TIAM2: variants seen among roughly 807,000 people sequenced by gnomAD.
The protein encoded by TIAM2 is TIAM Rac1 associated GEF 2.
A neutral mutation model predicts 152.9 loss-of-function variants in TIAM2; 80 were observed. The ratio of observed to expected loss-of-function variants is 0.52; its 90% confidence interval spans 0.44 to 0.63. The LOEUF is 0.63. Among genes scored for constraint, TIAM2 ranks in the 30% least tolerant of loss-of-function variants. TIAM2 has a pLI of 0.00. For synonymous variants in TIAM2, 804 were observed against 838.0 expected (o/e 0.96, Z 0.70); for missense variants, 1,965 against 2,120.1 (o/e 0.93, Z 1.44).
At chr6:155,067,932 A>G (rs1184015536) in intron 1 of TIAM2, among the ~76,000 whole-genome samples, 1 of 152,126 alleles carries the variant, frequency 6.6e-6, no homozygotes, top group African/African-American at 2.4e-5. Context: ...GTGCATGACC[A>G]AGCCCGACTT....
chr6:155,102,653 T>A (rs1158655009), intron 2 of TIAM2, among the ~76,000 whole-genome samples: 1 of 152,220 alleles, frequency 6.6e-6, no homozygotes, highest in Non-Finnish European at 1.5e-5. Flanking sequence ...CATGCATGTG[T>A]GCACATGCAG....
At chr6:155,197,333 C>T (rs1473372034) in intron 14 of TIAM2, among the ~76,000 whole-genome samples, 6 of 152,164 alleles carry the variant, frequency 3.9e-5, no homozygotes, top group Admixed American at 1.3e-4. Context: ...TAGGCATCTT[C>T]GCATAGCAGT....
rs746006844 is a variant in TIAM2 at position 155,251,934 on chromosome 6, C to A, written c.4061-11C>A. On this transcript the variant is annotated splice_polypyrimidine_tract_variant and intron_variant, in intron 22 of 26. Coordinates refer to ENST00000682666, the MANE Select transcript of TIAM2 (RefSeq NM_012454.4). ...AAAATAAAGACTTTCTTTCTCTTTT[C>A]CTTTCTTTAGTTTTTAAGAGAGCCG... The A allele has an allele frequency of 6.3e-7, 1 of 1,595,510 alleles. No homozygotes were observed. The highest frequency in any genetic ancestry group is 8.6e-7 in the Non-Finnish European group (1 of 1,169,172).
intron 2 of TIAM2, among the ~76,000 whole-genome samples, chr6:155,105,720 G>T (rs1405178352): frequency 6.6e-6 from 1 of 151,980 alleles, no homozygotes; most frequent in Non-Finnish European, 1.5e-5. Flanking sequence ...CAAAGTGTTG[G>T]AATCACAGGC....
At chr6:155,236,388 C>A (rs903273635) in intron 15 of TIAM2, among the ~76,000 whole-genome samples, 6 of 152,110 alleles carry the variant, frequency 3.9e-5, no homozygotes, top group Non-Finnish European at 7.3e-5. Context: ...GACAGCCAGG[C>A]ATGGTGGCTC....
intron 1 of TIAM2, among the ~76,000 whole-genome samples, chr6:155,075,737 T>C (rs1247865126): frequency 6.6e-6 from 1 of 152,218 alleles, no homozygotes; most frequent in Non-Finnish European, 1.5e-5. Context: ...GGTAATTTTA[T>C]ATTCGAAAGA....
chr6:155,130,398 G>C lies in TIAM2; in HGVS notation c.1175G>C (p.Arg392Thr). Residue 392 changes from arginine to threonine, a missense_variant, in exon 4 of 27, where the codon AGG (arginine) becomes ACG (threonine). Arg to Thr is a moderately conservative substitution (Grantham distance 71). Transcript: ENST00000682666. ...RISDWTGSLS[R>T]KKRKLQEPRS... ...AGTGACTGGACGGGAAGCCTCTCAA[G>C]GAAGAAAAGGAAACTCCAGGTGAGC... 1.2e-6 allele frequency: 2 copies of C among 1,613,396 alleles called. No individual in the cohort carries two copies. The highest frequency in any genetic ancestry group is 1.7e-6 in the Non-Finnish European group (2 of 1,179,868).
intron 1 of TIAM2, among the ~76,000 whole-genome samples, chr6:155,020,386 A>T (rs1776451035): frequency 6.6e-6 from 1 of 152,204 alleles, no homozygotes; most frequent in Non-Finnish European, 1.5e-5. Context: ...TATGCTATAA[A>T]CATTGTCCCC....
intron 2 of TIAM2, among the ~76,000 whole-genome samples, chr6:155,114,200 C>T (rs1487735643): frequency 6.7e-6 from 1 of 150,064 alleles, no homozygotes; most frequent in African/African-American, 2.5e-5. Flanking sequence ...ATTACAGAGG[C>T]GTGCCACCAC....
intron 1 of TIAM2, among the ~76,000 whole-genome samples, chr6:155,049,311 T>G (rs541648166): frequency 4.2e-4 from 64 of 152,244 alleles, no homozygotes; most frequent in African/African-American, 1.5e-3. Flanking sequence ...CGACGGTTAA[T>G]GGCCTCCGTG....
chr6:155,126,808 CTT>C (rs76982750), intron 2 of TIAM2, among the ~76,000 whole-genome samples: 69 of 142,582 alleles, frequency 4.8e-4, no homozygotes, highest in Admixed American at 1.6e-3. Context: ...TACAAATAAA[CTT>C]TTTTTTTTTT....
chr6:155,148,068 GTAAA>G, intron 6 of TIAM2, 38 bp from the exon 7 acceptor site: 2 of 1,604,526 alleles, frequency 1.2e-6, no homozygotes, highest in Non-Finnish European at 1.7e-6. Context: ...CACTTTAGTG[GTAAA>G]ATGATTCGAA....
chr6:155,047,671 AG>A (rs2114917290), intron 1 of TIAM2, among the ~76,000 whole-genome samples: 1 of 35,906 alleles, frequency 2.8e-5, no homozygotes, highest in South Asian at 1.0e-3. Flanking sequence ...GAGAGAGGAG[AG>A]AGAGAGAGAG....
At position 155,245,636 on chromosome 6, in the gene TIAM2, C is replaced by T. The variant is rs762902213; in HGVS notation, c.3557C>T (p.Ser1186Phe). The part of the protein sequence containing the change: ...TPSQFRKLLF[S>F]LGGSFLYYAD... ...CTGCCCTTCTAGAAATTACTGTTTT[C>T]CCTTGGAGGCTCTTTCCTTTATTAC... The change falls in exon 19 of 27, where the codon TCC becomes TTC. Residue 1186 changes from serine to phenylalanine, a missense_variant. Physicochemically the swap from Ser to Phe is radical, Grantham distance 155. Transcript: ENST00000682666. The T allele has an allele frequency of 1.2e-6, 2 of 1,613,926 alleles. No homozygotes were observed. Among genetic ancestry groups the T allele is most frequent in the East Asian group, 4.5e-5 (2 of 44,876 alleles).
chr6:155,172,687 T>TATATATA (rs1491511697), intron 9 of TIAM2, among the ~76,000 whole-genome samples: 9 of 13,596 alleles, frequency 6.6e-4, no homozygotes, highest in African/African-American at 2.2e-3. Context: ...TATATATATA[T>TATATATA]TTTTTTTTTT....
chr6:155,077,660 CATTT>C (rs1777988923), intron 1 of TIAM2, among the ~76,000 whole-genome samples: 1 of 152,186 alleles, frequency 6.6e-6, no homozygotes, highest in East Asian at 1.9e-4. Context: ...AGAGAACTAA[CATTT>C]ATTATTTAAC....
rs1329802965 is a variant in TIAM2 at position 155,046,220 on chromosome 6, C to A, written c.-208-44069C>A. On this transcript the variant is annotated intron_variant, in intron 1 of 26. Coordinates refer to ENST00000682666, the MANE Select transcript of TIAM2 (RefSeq NM_012454.4). Reference sequence around the variant, plus strand: ...CTCGAACTTTCTGGTTCACTGCTGGCTTCTCTTCCTGTTTCCAGCATTGCT... The same window carrying A: ...CTCGAACTTTCTGGTTCACTGCTGGATTCTCTTCCTGTTTCCAGCATTGCT... 5.9e-5 allele frequency among the ~76,000 whole-genome samples: 9 copies of A among 151,906 alleles called. 1 individual carries two copies. In the East Asian group the frequency reaches 1.7e-3, roughly 29 times the overall value.
chr6:155,204,639 G>A (rs991076100), intron 14 of TIAM2, among the ~76,000 whole-genome samples: 1 of 152,154 alleles, frequency 6.6e-6, no homozygotes, highest in Non-Finnish European at 1.5e-5. Context: ...CTTTGGATAT[G>A]AGAGTATTAA....
At chr6:155,030,405 C>T (rs190440667) in intron 1 of TIAM2, among the ~76,000 whole-genome samples, 30 of 152,244 alleles carry the variant, frequency 2.0e-4, no homozygotes, top group Non-Finnish European at 3.5e-4. Flanking sequence ...TAGCTGCTCA[C>T]ATTTTGTTAC....
Sources: gnomAD v4.1 joint callset for allele counts (sites outside exome capture counted in the v4.1 genomes callset) on GRCh38, gnomAD v4.1.1 for gene constraint, MANE v1.5 for transcripts, NCBI Gene and HGNC (gene_info 2026-07-23, HGNC 2026-07-21) for gene names.